LPAR1: variants seen among roughly 807,000 people sequenced by gnomAD.
LPAR1 encodes lysophosphatidic acid receptor 1.
Under a neutral mutation model 23.8 loss-of-function variants are expected in LPAR1, and 5 were observed. That is an observed-to-expected ratio of 0.21 (90% CI 0.11 to 0.44). The LOEUF (loss-of-function observed/expected upper bound fraction) is 0.44, where lower values mean the gene tolerates loss of function less well. LPAR1 is among the 20% of genes least tolerant of loss of function. The probability of loss-of-function intolerance (pLI) is 0.99; values close to 1 mark genes in which losing one functional copy is unlikely to be tolerated. For missense variants in LPAR1, 311 were observed against 482.8 expected (o/e 0.64, Z 3.33); for synonymous variants, 160 against 164.7 (o/e 0.97, Z 0.22).
intron 2 of LPAR1, chr9:110,999,613 C>G (rs1215913360): frequency 5.6e-6 from 2 of 359,272 alleles, no homozygotes; most frequent in Non-Finnish European, 1.1e-5. Flanking sequence ...CAAAGTTGGG[C>G]TCTGATGAGG....
chr9:110,901,358 A>G (rs2088893369), intron 5 of LPAR1, among the ~76,000 whole-genome samples: 1 of 152,174 alleles, frequency 6.6e-6, no homozygotes, highest in African/African-American at 2.4e-5. Context: ...ACTTCAGCTC[A>G]TTGAAGCCCA....
At chr9:110,908,689 G>C (rs2091855486) in intron 5 of LPAR1, among the ~76,000 whole-genome samples, 2 of 152,166 alleles carry the variant, frequency 1.3e-5, no homozygotes, top group South Asian at 4.1e-4. Flanking sequence ...CCTTGAAAAT[G>C]CAAAGGGCCA....
chr9:110,977,682 T>C (rs895515032), intron 2 of LPAR1, among the ~76,000 whole-genome samples: 1 of 152,030 alleles, frequency 6.6e-6, no homozygotes. Flanking sequence ...GATGACGAGT[T>C]GATAGGTGCA....
chr9:110,984,421 G>A (rs1443054774), intron 2 of LPAR1, among the ~76,000 whole-genome samples: 1 of 151,900 alleles, frequency 6.6e-6, no homozygotes, highest in Non-Finnish European at 1.5e-5. Flanking sequence ...TTCCTTTTCT[G>A]GCTGAATAAT....
chr9:110,928,493 A>G (rs1681705255), intron 5 of LPAR1, among the ~76,000 whole-genome samples: 1 of 152,102 alleles, frequency 6.6e-6, no homozygotes, highest in Non-Finnish European at 1.5e-5. Flanking sequence ...TGCCTTAGAA[A>G]TAGTGTTTTT....
At chr9:111,035,180 C>T (rs1477615327) in intron 2 of LPAR1, among the ~76,000 whole-genome samples, 1 of 152,102 alleles carries the variant, frequency 6.6e-6, no homozygotes, top group Non-Finnish European at 1.5e-5. Context: ...AATAGAATTA[C>T]CTCCTTTTCT....
chr9:110,884,862 A>G (rs144939012), intron 5 of LPAR1, among the ~76,000 whole-genome samples: 3 of 152,230 alleles, frequency 2.0e-5, no homozygotes, highest in Non-Finnish European at 4.4e-5. Flanking sequence ...GGGAATCTAC[A>G]TTTAAAAATT....
intron 2 of LPAR1, among the ~76,000 whole-genome samples, chr9:111,005,546 CA>C (rs60143050): frequency 0.014 from 981 of 70,210 alleles, 3 homozygotes; most frequent in African/African-American, 0.04. Flanking sequence ...GACCCTGTCT[CA>C]AAAAAAAAAA....
chr9:111,019,814 C>T (rs1018434949), intron 2 of LPAR1, among the ~76,000 whole-genome samples: 1 of 152,186 alleles, frequency 6.6e-6, no homozygotes, highest in African/African-American at 2.4e-5. Flanking sequence ...CACAGCACAT[C>T]AGCCTGGGCG....
At chr9:110,938,023 G>A (rs1368354459) in intron 5 of LPAR1, among the ~76,000 whole-genome samples, 2 of 152,276 alleles carry the variant, frequency 1.3e-5, no homozygotes, top group Non-Finnish European at 2.9e-5. Flanking sequence ...ATTCACTACG[G>A]CTCTGGTCTT....
At chr9:110,945,943 T>C (rs2095362379) in intron 4 of LPAR1, among the ~76,000 whole-genome samples, 1 of 152,160 alleles carries the variant, frequency 6.6e-6, no homozygotes, top group Non-Finnish European at 1.5e-5. Flanking sequence ...CATCTCAACA[T>C]CTTTAACTGA....
At chr9:110,896,007 G>A (rs1366476990) in intron 5 of LPAR1, among the ~76,000 whole-genome samples, 2 of 152,158 alleles carry the variant, frequency 1.3e-5, no homozygotes, top group Non-Finnish European at 2.9e-5. Flanking sequence ...GGCTTACAGA[G>A]TGAAAAACTT....
intron 4 of LPAR1, among the ~76,000 whole-genome samples, chr9:110,954,748 T>C (rs994662992): frequency 2.6e-5 from 4 of 152,092 alleles, no homozygotes; most frequent in Non-Finnish European, 5.9e-5. Context: ...AAAGATACTA[T>C]ACCCAGCAAA....
At chr9:111,016,186 T>C (rs1207352522) in intron 2 of LPAR1, among the ~76,000 whole-genome samples, 1 of 152,136 alleles carries the variant, frequency 6.6e-6, no homozygotes, top group Non-Finnish European at 1.5e-5. Context: ...CCCAGATTAA[T>C]CACCACCTCC....
At chr9:110,956,385 A>ATACCCAGT (rs2095752274) in intron 4 of LPAR1, among the ~76,000 whole-genome samples, 1 of 95,024 alleles carries the variant, frequency 1.1e-5, no homozygotes, top group Non-Finnish European at 2.9e-5. Flanking sequence ...CTTAAAGTAT[A>ATACCCAGT]ATAATAATAA....
At chr9:111,027,329 A>T (rs1421712839) in intron 2 of LPAR1, among the ~76,000 whole-genome samples, 1 of 151,940 alleles carries the variant, frequency 6.6e-6, no homozygotes, top group East Asian at 1.9e-4. Context: ...CTCTACCCAA[A>T]AAATAAATAA....
intron 5 of LPAR1, among the ~76,000 whole-genome samples, chr9:110,900,696 A>T (rs2088561031): frequency 6.6e-6 from 1 of 152,206 alleles, no homozygotes; most frequent in Admixed American, 6.5e-5. Flanking sequence ...ATGCCCAACA[A>T]ATGAGGAAAT....
chr9:110,967,617 T>A (rs540254605), intron 4 of LPAR1, among the ~76,000 whole-genome samples: 1 of 152,224 alleles, frequency 6.6e-6, no homozygotes, highest in Non-Finnish European at 1.5e-5. Context: ...AGAAAGCAAG[T>A]TGATGTGCCA....
intron 5 of LPAR1, among the ~76,000 whole-genome samples, chr9:110,884,055 G>C (rs921118829): frequency 6.0e-5 from 9 of 149,974 alleles, no homozygotes; most frequent in Non-Finnish European, 1.0e-4. Context: ...CTAGTATTTA[G>C]TCTTGCAGGT....
Sources: gnomAD v4.1 joint callset for allele counts (sites outside exome capture counted in the v4.1 genomes callset) on GRCh38, gnomAD v4.1.1 for gene constraint, MANE v1.5 for transcripts, NCBI Gene and HGNC (gene_info 2026-07-23, HGNC 2026-07-21) for gene names.